C13orf42: variants seen among roughly 807,000 people sequenced by gnomAD.
C13orf42 encodes the protein uncharacterized protein C13orf42.
intron 1 of C13orf42, among the ~76,000 whole-genome samples, chr13:51,125,029 T>C (rs572263757): frequency 3.2e-4 from 48 of 152,320 alleles, no homozygotes; most frequent in Non-Finnish European, 5.9e-4. Context: ...TAAGGTTTAC[T>C]AGTGTTTTTC....
chr13:51,130,902 T>C (rs1292044495), intron 1 of C13orf42, among the ~76,000 whole-genome samples: 1 of 151,232 alleles, frequency 6.6e-6, no homozygotes, highest in Non-Finnish European at 1.5e-5. Flanking sequence ...GAAATGTGGA[T>C]TTTTTTTGCC....
chr13:51,104,165 A>G (rs1265096643), intron 1 of C13orf42, among the ~76,000 whole-genome samples: 1 of 152,232 alleles, frequency 6.6e-6, no homozygotes, highest in East Asian at 1.9e-4. Flanking sequence ...TTCGTATTCT[A>G]GGGTACTACT....
chr13:51,158,487 A>G (rs1461210680), intron 1 of C13orf42, among the ~76,000 whole-genome samples: 3 of 152,222 alleles, frequency 2.0e-5, no homozygotes, highest in Non-Finnish European at 4.4e-5. Flanking sequence ...CATCACCCTC[A>G]CTAGAGGTGA....
intron 1 of C13orf42, among the ~76,000 whole-genome samples, chr13:51,147,644 G>A (rs909263982): frequency 1.3e-5 from 2 of 152,158 alleles, no homozygotes; most frequent in African/African-American, 2.4e-5. Context: ...CTGGAGAATC[G>A]CTTGAACCCG....
chr13:51,090,161 C>T (rs1463384632), intron 1 of C13orf42, among the ~76,000 whole-genome samples: 2 of 152,098 alleles, frequency 1.3e-5, no homozygotes, highest in African/African-American at 4.8e-5. Flanking sequence ...GGAGGTAGGT[C>T]CACACTTGTT....
At chr13:51,152,595 C>T (rs1478096653) in intron 1 of C13orf42, among the ~76,000 whole-genome samples, 1 of 152,190 alleles carries the variant, frequency 6.6e-6, no homozygotes, top group Non-Finnish European at 1.5e-5. Context: ...AATGATCCTC[C>T]TGCCTCAGCC....
chr13:51,107,875 T>C (rs926373860), intron 1 of C13orf42, among the ~76,000 whole-genome samples: 4 of 152,188 alleles, frequency 2.6e-5, no homozygotes, highest in African/African-American at 9.6e-5. Context: ...TTCAGACCAA[T>C]GCCGGAGAAG....
intron 1 of C13orf42, among the ~76,000 whole-genome samples, chr13:51,142,951 A>G (rs1953707095): frequency 6.6e-6 from 1 of 152,194 alleles, no homozygotes; most frequent in Non-Finnish European, 1.5e-5. Flanking sequence ...TATTTTTTAA[A>G]AACCTGAAAC....
At chr13:51,107,993 C>T (rs1953379308) in intron 1 of C13orf42, among the ~76,000 whole-genome samples, 1 of 152,212 alleles carries the variant, frequency 6.6e-6, no homozygotes, top group East Asian at 1.9e-4. Context: ...TCTCACAGTT[C>T]TGGAGGCCAG....
chr13:51,147,387 G>A (rs1331348837), intron 1 of C13orf42, among the ~76,000 whole-genome samples: 1 of 152,130 alleles, frequency 6.6e-6, no homozygotes, highest in Non-Finnish European at 1.5e-5. Flanking sequence ...TGCTGACCAT[G>A]GGACAGTGGC....
At chr13:51,155,338 G>C (rs1478734355) in intron 1 of C13orf42, among the ~76,000 whole-genome samples, 1 of 152,194 alleles carries the variant, frequency 6.6e-6, no homozygotes, top group African/African-American at 2.4e-5. Flanking sequence ...TAAGTCCATG[G>C]GGAAAGGGAA....
chr13:51,119,605 G>A (rs9568526), intron 1 of C13orf42, among the ~76,000 whole-genome samples: 54,505 of 152,066 alleles, frequency 0.36, 11,775 homozygotes, highest in African/African-American at 0.6. Flanking sequence ...ACACCCTACA[G>A]CATGGATAAG....
upstream of C13orf42, among the ~76,000 whole-genome samples, chr13:51,111,849 A>G (rs1346700123): frequency 2.0e-5 from 3 of 150,152 alleles, no homozygotes; most frequent in Non-Finnish European, 4.4e-5. Flanking sequence ...GGCTCTGAGC[A>G]GGCATCTGAG....
rs545829946 is a variant in C13orf42, at chr13:51,082,760, C to G, written c.*1391G>C. 2.0e-5 allele frequency: 3 copies of G among 152,042 alleles called. No homozygotes were observed. Among genetic ancestry groups the G allele is most frequent in the East Asian group, 1.9e-4 (1 of 5,196 alleles). The allele number at this position is 152,042 out of a possible 1,614,324, so 9.4% of individuals were successfully genotyped here. ...CTTTCCAAACATTGACATTGGCACT[C>G]GAAAAATAATAAAGAGAGGTATTAA... On this transcript the variant is annotated 3_prime_UTR_variant, in exon 4 of 4. Transcript: ENST00000563710.
chr13:51,102,287 T>C (rs904398563), intron 1 of C13orf42, among the ~76,000 whole-genome samples: 1 of 152,142 alleles, frequency 6.6e-6, no homozygotes, highest in Admixed American at 6.5e-5. Flanking sequence ...GTAAAACAGA[T>C]CAAGAACCTG....
rs145415703 is a variant in C13orf42 at position 51,141,858 on chromosome 13, G to A, written n.137-28636C>T. 3.0e-3 allele frequency among the ~76,000 whole-genome samples: 463 copies of A among 152,084 alleles called. 2 individuals carry two copies. The highest frequency in any genetic ancestry group is 0.011 in the African/African-American group (447 of 41,512). ...AAAGATTAGTCAAATGCTTTTTCAA[G>A]TTTATGTAACTTAAGTAAAATCTTT... On this transcript the variant is annotated intron_variant and non_coding_transcript_variant, in intron 1 of 4. Transcript: ENST00000433280.
intron 1 of C13orf42, among the ~76,000 whole-genome samples, chr13:51,132,733 A>ATTCCTTTATTCC (rs1953627155): frequency 6.6e-6 from 1 of 152,180 alleles, no homozygotes; most frequent in Non-Finnish European, 1.5e-5. Flanking sequence ...GAGCAACTCC[A>ATTCCTTTATTCC]TCTTGAATAG....
intron 1 of C13orf42, among the ~76,000 whole-genome samples, chr13:51,131,228 T>G (rs1248358288): frequency 6.6e-6 from 1 of 152,232 alleles, no homozygotes; most frequent in African/African-American, 2.4e-5. Context: ...CTCTACCTGA[T>G]TCCTCCAGAA....
At chr13:51,111,553 G>A (rs1953434613), upstream of C13orf42, among the ~76,000 whole-genome samples, 1 of 152,182 alleles carries the variant, frequency 6.6e-6, no homozygotes, top group African/African-American at 2.4e-5. Flanking sequence ...GAAGAAAGTG[G>A]GACAGAGCTT....
Sources: gnomAD v4.1 joint callset for allele counts (sites outside exome capture counted in the v4.1 genomes callset) on GRCh38, gnomAD v4.1.1 for gene constraint, MANE v1.5 for transcripts, NCBI Gene and HGNC (gene_info 2026-07-23, HGNC 2026-07-21) for gene names.